ROBO1: variants seen among roughly 807,000 people sequenced by gnomAD.
The protein encoded by ROBO1 is roundabout homolog 1.
Under a neutral mutation model 195.9 loss-of-function variants are expected in ROBO1, and 149 were observed. That is an observed-to-expected ratio of 0.76 (90% CI 0.67 to 0.87). The LOEUF (loss-of-function observed/expected upper bound fraction) is 0.87, where lower values mean the gene tolerates loss of function less well. ROBO1 is among the 40% of genes least tolerant of loss of function. ROBO1 has a pLI of 0.00. For synonymous variants in ROBO1, 816 were observed against 733.2 expected (o/e 1.11, Z -1.82); for missense variants, 1,933 against 2,068.3 (o/e 0.93, Z 1.27).
At chr3:78,993,732 T>A (rs1405143665) in intron 3 of ROBO1, among the ~76,000 whole-genome samples, 1 of 152,170 alleles carries the variant, frequency 6.6e-6, no homozygotes, top group Non-Finnish European at 1.5e-5. Flanking sequence ...TAATTGTTAA[T>A]TCCTATGAGG....
intron 4 of ROBO1, among the ~76,000 whole-genome samples, chr3:78,900,168 A>T (rs963724395): frequency 2.0e-5 from 3 of 152,190 alleles, no homozygotes; most frequent in African/African-American, 4.8e-5. Context: ...GTTACACATA[A>T]CTGCACTTTT....
intron 4 of ROBO1, among the ~76,000 whole-genome samples, chr3:78,875,882 A>C (rs994611972): frequency 3.9e-5 from 6 of 152,130 alleles, no homozygotes; most frequent in African/African-American, 7.2e-5. Flanking sequence ...TAATCTGTAC[A>C]ATTTAAAATC....
At chr3:79,046,619 C>T (rs202099554) in intron 3 of ROBO1, among the ~76,000 whole-genome samples, 32 of 151,962 alleles carry the variant, frequency 2.1e-4, no homozygotes, top group Non-Finnish European at 3.5e-4. Flanking sequence ...GCATCCAGCA[C>T]GAGAGAAAGA....
At chr3:79,720,792 ATTTT>A (rs36105372) in intron 1 of ROBO1, among the ~76,000 whole-genome samples, 1 of 142,970 alleles carries the variant, frequency 7.0e-6, no homozygotes, top group Non-Finnish European at 1.5e-5. Context: ...GGAGTTGCTA[ATTTT>A]TTTTTTTTTT....
chr3:79,595,107 T>C (rs1250844488), intron 1 of ROBO1, among the ~76,000 whole-genome samples: 1 of 151,922 alleles, frequency 6.6e-6, no homozygotes, highest in Non-Finnish European at 1.5e-5. Context: ...ATATATAACA[T>C]ATTAGTTATA....
intron 28 of ROBO1, among the ~76,000 whole-genome samples, chr3:78,610,705 G>A (rs911895355): frequency 6.6e-6 from 1 of 152,156 alleles, no homozygotes; most frequent in East Asian, 1.9e-4. Flanking sequence ...CTAGATAGGT[G>A]TTATTTATAA....
chr3:78,678,273 G>T (rs886282861), intron 10 of ROBO1, among the ~76,000 whole-genome samples: 1 of 150,280 alleles, frequency 6.7e-6, no homozygotes, highest in African/African-American at 2.4e-5. Flanking sequence ...AACTAGAAAA[G>T]CAAGAGCAAA....
At chr3:79,585,431 T>C (rs1398141170) in intron 2 of ROBO1, among the ~76,000 whole-genome samples, 5 of 151,996 alleles carry the variant, frequency 3.3e-5, no homozygotes, top group African/African-American at 1.2e-4. Context: ...GCTAATGCCT[T>C]TCATCCAACA....
chr3:79,510,781 C>T (rs890555390), intron 2 of ROBO1, among the ~76,000 whole-genome samples: 7 of 151,972 alleles, frequency 4.6e-5, no homozygotes, highest in African/African-American at 1.4e-4. Flanking sequence ...TACAAAGATT[C>T]CAAGATTTGG....
At chr3:79,320,545 G>A (rs1370889339) in intron 2 of ROBO1, among the ~76,000 whole-genome samples, 1 of 152,032 alleles carries the variant, frequency 6.6e-6, no homozygotes, top group African/African-American at 2.4e-5. Flanking sequence ...GCCCAGGCTG[G>A]CCTTGAACTC....
intron 3 of ROBO1, among the ~76,000 whole-genome samples, chr3:79,103,473 C>T (rs1204625047): frequency 9.2e-5 from 14 of 151,738 alleles, no homozygotes; most frequent in Admixed American, 8.6e-4. Context: ...CAAAGGCTAA[C>T]CTTAGTTTAA....
intron 9 of ROBO1, among the ~76,000 whole-genome samples, chr3:78,687,727 T>A (rs1008779489): frequency 5.9e-5 from 9 of 152,284 alleles, no homozygotes; most frequent in Non-Finnish European, 1.0e-4. Flanking sequence ...TGGGCTCAAG[T>A]GATCCTCCTG....
At chr3:79,735,573 A>G (rs1339640089) in intron 1 of ROBO1, among the ~76,000 whole-genome samples, 2 of 152,168 alleles carry the variant, frequency 1.3e-5, no homozygotes, top group Non-Finnish European at 1.5e-5. Context: ...AAATTTTTGC[A>G]AAAAGGTCTG....
chr3:79,282,639 A>AGG (rs930089521), intron 2 of ROBO1, among the ~76,000 whole-genome samples: 62 of 152,326 alleles, frequency 4.1e-4, no homozygotes, highest in African/African-American at 1.4e-3. Flanking sequence ...AATTAGGTAG[A>AGG]TGTTTTACCG....
intron 2 of ROBO1, among the ~76,000 whole-genome samples, chr3:79,376,411 T>C (rs1437754785): frequency 6.6e-6 from 1 of 152,198 alleles, no homozygotes; most frequent in Non-Finnish European, 1.5e-5. Context: ...AGAATGAAAA[T>C]ACACGATGGG....
At chr3:78,765,536 T>C (rs1357892707) in intron 4 of ROBO1, among the ~76,000 whole-genome samples, 1 of 152,110 alleles carries the variant, frequency 6.6e-6, no homozygotes, top group Non-Finnish European at 1.5e-5. Context: ...ATAGTGCTTT[T>C]ACTAAGCGAA....
rs116031604 is a variant in ROBO1 at position 78,945,879 on chromosome 3, C to T, written c.173-6952G>A. Among the ~76,000 whole-genome samples, 1,127 of 151,968 alleles carry T rather than the reference C, an allele frequency of 7.4e-3. 11 individuals carry two copies. The highest frequency in any genetic ancestry group is 0.026 in the African/African-American group (1,088 of 41,452). On this transcript the variant is annotated intron_variant, in intron 3 of 30. Transcript: ENST00000464233. ...GAGAGCTACGTGACAACTGTAGAAG[C>T]CTCCGTAGACAATGCAATCAACTGG...
chr3:79,022,560 G>A (rs554653320), intron 3 of ROBO1, among the ~76,000 whole-genome samples: 3 of 152,340 alleles, frequency 2.0e-5, no homozygotes, highest in African/African-American at 7.2e-5. Context: ...CTGTGCAAGT[G>A]TGAGTGTACA....
At chr3:79,599,628 A>G (rs1011319630) in intron 1 of ROBO1, among the ~76,000 whole-genome samples, 1 of 151,996 alleles carries the variant, frequency 6.6e-6, no homozygotes, top group African/African-American at 2.4e-5. Flanking sequence ...GAGAAAAAAC[A>G]CAGCAGTAAA....
Sources: gnomAD v4.1 joint callset for allele counts (sites outside exome capture counted in the v4.1 genomes callset) on GRCh38, gnomAD v4.1.1 for gene constraint, MANE v1.5 for transcripts, NCBI Gene and HGNC (gene_info 2026-07-23, HGNC 2026-07-21) for gene names.